Variants in SUPT20H observed in about 807,000 individuals in gnomAD.
SUPT20H encodes the protein SPT20 homolog, SAGA complex component, also known as transcription factor SPT20 homolog.
Under a neutral mutation model 122.8 loss-of-function variants are expected in SUPT20H, and 82 were observed. The observed-to-expected ratio is 0.67, with a 90% confidence interval of 0.56 to 0.80. The LOEUF (loss-of-function observed/expected upper bound fraction) is 0.80. SUPT20H is among the 30% of genes least tolerant of loss of function. The pLI is 0.00. For synonymous variants in SUPT20H, 291 were observed against 313.0 expected (o/e 0.93, Z 0.74); for missense variants, 831 against 921.6 (o/e 0.90, Z 1.27).
At chr13:37,026,281 G>A (rs765036082) in intron 15 of SUPT20H, 45 bp from the exon 16 acceptor site, 2 of 1,350,626 alleles carry the variant, frequency 1.5e-6, no homozygotes, top group Admixed American at 2.8e-5. Context: ...TATTAGGTAA[G>A]AGTTGTCTTA....
Position 37,029,821 on chromosome 13 carries a change from T to G in SUPT20H, c.937A>C (p.Lys313Gln). 6.3e-7 allele frequency: 1 copy of G among 1,599,958 alleles called. No individual in the cohort carries two copies. The highest frequency in any genetic ancestry group is 8.5e-7 in the Non-Finnish European group (1 of 1,174,158). ...TCAGATTTGATAGACTTTTCCACTT[T>G]AGCATATTTCTCCACCTAAACAATC... ...PSEVDVEKYA[K>Q]VEKSIKSDDS... Residue 313 changes from lysine (K) to glutamine (Q), a missense_variant, in exon 13 of 26, where the codon AAA becomes CAA. Lys to Gln is a moderately conservative substitution (Grantham distance 53). Coordinates refer to ENST00000350612, the MANE Select transcript of SUPT20H (RefSeq NM_001014286.3).
chr13:37,018,420 C>G (rs2060905220), intron 22 of SUPT20H, among the ~76,000 whole-genome samples: 1 of 152,114 alleles, frequency 6.6e-6, no homozygotes. Context: ...CATACTGCAT[C>G]GTATATAGGA....
chr13:37,033,977 T>C (rs1421267421), intron 9 of SUPT20H, among the ~76,000 whole-genome samples: 2 of 152,210 alleles, frequency 1.3e-5, no homozygotes, highest in Non-Finnish European at 2.9e-5. Flanking sequence ...TTAAATCTAT[T>C]ATGGTGATCT....
chr13:37,043,691 C>T (rs1342847672), intron 7 of SUPT20H, among the ~76,000 whole-genome samples: 2 of 151,896 alleles, frequency 1.3e-5, no homozygotes, highest in Non-Finnish European at 2.9e-5. Flanking sequence ...CTATCACCCA[C>T]GCTGGAGTGC....
At chr13:37,021,339 T>C in intron 21 of SUPT20H, 109 bp downstream of exon 21, 3 of 1,178,360 alleles carry the variant, frequency 2.5e-6, no homozygotes, top group South Asian at 2.0e-5. Flanking sequence ...GATACAACAC[T>C]TCATGAAATA....
chr13:37,029,684 A>G (rs1240537140), intron 13 of SUPT20H, 81 bp downstream of exon 13: 1 of 1,231,500 alleles, frequency 8.1e-7, no homozygotes, highest in Non-Finnish European at 1.2e-6. Flanking sequence ...ACTAATGGCA[A>G]TTGCACTTTA....
At chr13:37,053,478 C>A (rs1322334982) in intron 1 of SUPT20H, among the ~76,000 whole-genome samples, 1 of 151,664 alleles carries the variant, frequency 6.6e-6, no homozygotes, top group Non-Finnish European at 1.5e-5. Context: ...AACAGTGAGA[C>A]CACATGGACA....
At chr13:37,036,459 G>T (rs946348280) in intron 9 of SUPT20H, among the ~76,000 whole-genome samples, 3 of 151,864 alleles carry the variant, frequency 2.0e-5, no homozygotes, top group African/African-American at 7.3e-5. Context: ...TGAGTAGCTG[G>T]GACTACAAGC....
At chr13:37,027,575 A>T (rs2062532671) in intron 14 of SUPT20H, among the ~76,000 whole-genome samples, 1 of 152,120 alleles carries the variant, frequency 6.6e-6, no homozygotes, top group African/African-American at 2.4e-5. Flanking sequence ...TTTGTTTTCA[A>T]AACAGAAAAC....
At chr13:37,013,203 A>G (rs1304174101) in intron 23 of SUPT20H, 2 of 152,146 alleles carry the variant, frequency 1.3e-5, no homozygotes, top group Non-Finnish European at 2.9e-5. Flanking sequence ...CCCAATTTTA[A>G]GACACTACAA....
chr13:37,051,972 A>T (rs928218545), intron 1 of SUPT20H, among the ~76,000 whole-genome samples: 1 of 152,182 alleles, frequency 6.6e-6, no homozygotes, highest in Non-Finnish European at 1.5e-5. Flanking sequence ...TATCCAGTTC[A>T]CTTTACAAAT....
At chr13:37,024,495 C>CTGT in intron 17 of SUPT20H, 53 bp from the exon 18 acceptor site, 1 of 1,142,238 alleles carries the variant, frequency 8.8e-7, no homozygotes, top group Non-Finnish European at 1.2e-6. Flanking sequence ...TGCTATAAAC[C>CTGT]CCAGATGATA....
intron 9 of SUPT20H, among the ~76,000 whole-genome samples, chr13:37,034,874 T>C (rs901952668): frequency 2.0e-5 from 3 of 152,298 alleles, no homozygotes; most frequent in South Asian, 4.1e-4. Flanking sequence ...CTACAATCCT[T>C]AAGAATTACT....
intron 16 of SUPT20H, 59 bp from the exon 17 acceptor site, chr13:37,025,496 T>A: frequency 4.2e-6 from 5 of 1,176,998 alleles, no homozygotes; most frequent in Non-Finnish European, 6.2e-6. Flanking sequence ...CACAAATTTA[T>A]TTTATAGGAA....
At chr13:37,032,738 C>T (rs1251287753) in intron 10 of SUPT20H, among the ~76,000 whole-genome samples, 2 of 152,130 alleles carry the variant, frequency 1.3e-5, no homozygotes, top group Admixed American at 1.3e-4. Context: ...GAAAAATCCC[C>T]TCATGTTTCC....
In SUPT20H at chr13:37,044,090, T is replaced by C. The variant is rs763383710; in HGVS notation, c.384A>G (p.Leu128=). The C allele has an allele frequency of 2.5e-6, 4 of 1,611,528 alleles. No individual in the cohort carries two copies. The highest frequency in any genetic ancestry group is 2.5e-6 in the Non-Finnish European group (3 of 1,178,812). Residue 128 remains leucine, a synonymous_variant, in exon 7 of 26, where the codon CTA becomes CTG. Transcript: ENST00000350612. ...AAAAATTTTGTACCTGAGATTTTTC[T>C]AGGAGATCAACCAAAATAGGAGGTA... ...EELPPILVDL[L]EKSQVNIFHC... is the part of the protein sequence containing the mutation.
In SUPT20H at chr13:37,059,622, C is replaced by T. The variant is rs939371957; in HGVS notation, c.-157G>A. 6.6e-6 allele frequency: 1 copy of T among 152,288 alleles called. No homozygotes were observed. The highest frequency in any genetic ancestry group is 2.4e-5 in the African/African-American group (1 of 41,478). The allele number at this position is 152,288 out of a possible 1,614,324, so 9.4% of individuals were successfully genotyped here. A position where few individuals can be genotyped will look rare whatever the true frequency, so the allele number is the denominator to read the frequency against. ...CCGCCTGCTCGGCAGCAAAGCCCAC[C>T]CGCCCCGTCGGCGGCTCAGTGCTGC... On this transcript the variant is annotated 5_prime_UTR_variant, in exon 1 of 26. Transcript: ENST00000350612.
At chr13:37,025,915 C>T (rs2062172554) in intron 16 of SUPT20H, 2 of 293,972 alleles carry the variant, frequency 6.8e-6, no homozygotes, top group Non-Finnish European at 1.2e-5. Flanking sequence ...ATTTAAGTCC[C>T]CCAAAAATCT....
At chr13:37,021,928 C>G in intron 20 of SUPT20H, 83 bp downstream of exon 20, 1 of 1,450,982 alleles carries the variant, frequency 6.9e-7, no homozygotes, top group South Asian at 1.4e-5. Context: ...GCGGTTTGTT[C>G]TTAATTTCAC....
Sources: gnomAD v4.1 joint callset for allele counts (sites outside exome capture counted in the v4.1 genomes callset) on GRCh38, gnomAD v4.1.1 for gene constraint, MANE v1.5 for transcripts, NCBI Gene and HGNC (gene_info 2026-07-23, HGNC 2026-07-21) for gene names.